SLF1: variants seen among roughly 807,000 people sequenced by gnomAD.
SLF1 encodes SMC5-SMC6 complex localization factor protein 1.
In SLF1, 105 loss-of-function variants were observed where a neutral mutation model predicts 123.0. The ratio of observed to expected loss-of-function variants is 0.85; its 90% confidence interval spans 0.73 to 1.00. The LOEUF is 1.00. Ranked by LOEUF, SLF1 falls within the 50% of genes least tolerant of loss-of-function variation. The pLI is 0.00. For synonymous variants in SLF1, 434 were observed against 406.6 expected, an observed-to-expected ratio of 1.07 and a Z score of -0.81; for missense variants, 1,239 against 1,223.0, an observed-to-expected ratio of 1.01 and a Z score of -0.20.
In SLF1 at chr5:94,678,563, T is replaced by C. The variant is rs78532781; in HGVS notation, c.1828-245T>C. On this transcript the variant is annotated intron_variant, in intron 14 of 20. Transcript: ENST00000265140. ...TGGTATTGGATAAAATTAAAGTTTATTCTAAACTGTTAAGTTGTAGGTCCT... is the reference window on the plus strand; with the variant it reads ...TGGTATTGGATAAAATTAAAGTTTACTCTAAACTGTTAAGTTGTAGGTCCT... 347 of 282,430 alleles carry C rather than the reference T, an allele frequency of 1.2e-3. 3 individuals carry two copies. Among genetic ancestry groups the C allele is most frequent in the African/African-American group, 7.3e-3 (333 of 45,788 alleles). 17.5% of individuals were successfully genotyped at this position (282,430 alleles called of 1,614,324 possible). A position where few individuals can be genotyped will look rare whatever the true frequency, so the allele number is the denominator to read the frequency against.
At chr5:94,665,313 T>C (rs1749615034) in intron 11 of SLF1, among the ~76,000 whole-genome samples, 1 of 152,188 alleles carries the variant, frequency 6.6e-6, no homozygotes, top group South Asian at 2.1e-4. Flanking sequence ...CATGTGTAAG[T>C]GGACCCATGC....
Position 94,688,408 on chromosome 5 carries a change from G to T in SLF1, c.2122-98G>T, listed in dbSNP as rs1406438221. 3.1e-6 allele frequency: 4 copies of T among 1,300,824 alleles called. No individual in the cohort carries two copies. The African/African-American group carries it at 4.5e-5, about 15-fold the overall frequency. 80.6% of individuals were successfully genotyped at this position (1,300,824 alleles called of 1,614,324 possible). A position where few individuals can be genotyped will look rare whatever the true frequency, so the allele number is the denominator to read the frequency against. ...GTGGCAACCATAGTGATGCAACCAAGAAAATATAACCAAATGTAATAGTGA... is the reference window on the plus strand; with the variant it reads ...GTGGCAACCATAGTGATGCAACCAATAAAATATAACCAAATGTAATAGTGA... On this transcript the variant is annotated intron_variant, in intron 16 of 20. Coordinates refer to ENST00000265140, the MANE Select transcript of SLF1 (RefSeq NM_032290.4).
At chr5:94,626,390 A>C (rs1490565425) in intron 1 of SLF1, among the ~76,000 whole-genome samples, 1 of 152,112 alleles carries the variant, frequency 6.6e-6, no homozygotes, top group African/African-American at 2.4e-5. Flanking sequence ...TATTATGTGC[A>C]CTTAAAAATT....
intron 15 of SLF1, among the ~76,000 whole-genome samples, chr5:94,685,706 G>T (rs1752335198): frequency 6.6e-6 from 1 of 151,766 alleles, no homozygotes; most frequent in Non-Finnish European, 1.5e-5. Context: ...CATCTGGCAC[G>T]CACCTGTAGT....
chr5:94,671,134 G>C, intron 14 of SLF1, 126 bp downstream of exon 14: 1 of 717,154 alleles, frequency 1.4e-6, no homozygotes, highest in East Asian at 2.9e-5. Flanking sequence ...ATATATCATT[G>C]TTTTCTATTT....
At chr5:94,633,583 A>G (rs1745439328) in intron 4 of SLF1, among the ~76,000 whole-genome samples, 1 of 152,226 alleles carries the variant, frequency 6.6e-6, no homozygotes, top group South Asian at 2.1e-4. Flanking sequence ...ATAAGCCAGA[A>G]AAGAAATGAA....
chr5:94,641,854 G>C (rs1561433228), intron 4 of SLF1, among the ~76,000 whole-genome samples: 1 of 152,228 alleles, frequency 6.6e-6, no homozygotes, highest in Non-Finnish European at 1.5e-5. Flanking sequence ...CCTTGTACAT[G>C]TAGGCAGTGG....
chr5:94,696,219 T>C lies in SLF1; in HGVS notation c.*907T>C, dbSNP rs544415086. 3 of 151,960 alleles carry C rather than the reference T, an allele frequency of 2.0e-5. No individual in the cohort carries two copies. Among genetic ancestry groups the C allele is most frequent in the Non-Finnish European group, 4.4e-5 (3 of 67,806 alleles). The allele number at this position is 151,960 out of a possible 1,614,324, so 9.4% of individuals were successfully genotyped here. A position where few individuals can be genotyped will look rare whatever the true frequency, so the allele number is the denominator to read the frequency against. ...ACTTTTGAGATTGGAGTTTCTTCAC[T>C]ACTGGGAGTAAGTTACATTATGATA... On this transcript the variant is annotated 3_prime_UTR_variant, in exon 21 of 21. Coordinates refer to ENST00000265140, the MANE Select transcript of SLF1 (RefSeq NM_032290.4).
Position 94,670,799 on chromosome 5 carries a change from T to A in SLF1, c.1662-44T>A, listed in dbSNP as rs1269513676. On this transcript the variant is annotated intron_variant, in intron 13 of 20. Transcript: ENST00000265140. ...GAGAGATGTCAAGTAATTGTCATGA[T>A]CAAATTGGCTTAAAGATATACTTTT... 5 of 1,423,952 alleles carry A rather than the reference T, an allele frequency of 3.5e-6. No individual in the cohort carries two copies. In the East Asian group the frequency reaches 7.5e-5, roughly 21 times the overall value. 88.2% of individuals were successfully genotyped at this position (1,423,952 alleles called of 1,614,324 possible).
rs1245908728 is a variant in SLF1, at chr5:94,692,001, G to GTA, written c.2513-72_2513-71dup. ...CTAGAAAGTCACACTGATGAGAAAA[G>GTA]TAGAACATCAGTACTTTTCTACCAA... On this transcript the variant is annotated intron_variant, in intron 19 of 20. Coordinates refer to ENST00000265140, the MANE Select transcript of SLF1 (RefSeq NM_032290.4). The GTA allele has an allele frequency of 2.8e-6, 4 of 1,451,752 alleles. No individual in the cohort carries two copies. The African/African-American group carries it at 5.6e-5, about 20-fold the overall frequency. 89.9% of individuals were successfully genotyped at this position (1,451,752 alleles called of 1,614,324 possible).
At chr5:94,679,823 G>T (rs1280251114) in intron 15 of SLF1, among the ~76,000 whole-genome samples, 1 of 152,090 alleles carries the variant, frequency 6.6e-6, no homozygotes, top group East Asian at 1.9e-4. Flanking sequence ...AAGGTGAAAA[G>T]TTCTACCCAA....
At chr5:94,637,123 T>A (rs1416710940) in intron 4 of SLF1, among the ~76,000 whole-genome samples, 1 of 152,186 alleles carries the variant, frequency 6.6e-6, no homozygotes, top group Non-Finnish European at 1.5e-5. Flanking sequence ...TCTTTGGAGG[T>A]GCCCTGATTC....
At chr5:94,688,419 C>T in intron 16 of SLF1, 87 bp from the exon 17 acceptor site, 1 of 1,362,184 alleles carries the variant, frequency 7.3e-7, no homozygotes, top group South Asian at 1.4e-5. Context: ...AAAATATAAC[C>T]AAATGTAATA....
At chr5:94,670,356 A>G (rs1750300603) in intron 13 of SLF1, 77 bp downstream of exon 13, 1 of 1,097,406 alleles carries the variant, frequency 9.1e-7, no homozygotes, top group African/African-American at 1.7e-5. Flanking sequence ...TACAATTATT[A>G]TAAATATATT....
intron 14 of SLF1, among the ~76,000 whole-genome samples, chr5:94,676,151 A>G (rs914043843): frequency 6.6e-5 from 10 of 152,124 alleles, no homozygotes; most frequent in Admixed American, 5.2e-4. Context: ...GATACATATT[A>G]TGTTGGAAGG....
At chr5:94,621,527 C>G (rs1355292778) in intron 1 of SLF1, among the ~76,000 whole-genome samples, 1 of 152,114 alleles carries the variant, frequency 6.6e-6, no homozygotes, top group Non-Finnish European at 1.5e-5. Context: ...TCCTAGGATA[C>G]CAAAGCACAT....
At chr5:94,637,391 T>C (rs946975706) in intron 4 of SLF1, among the ~76,000 whole-genome samples, 1 of 152,028 alleles carries the variant, frequency 6.6e-6, no homozygotes, top group African/African-American at 2.4e-5. Flanking sequence ...ATAAAACCAC[T>C]GGCTGAGCTC....
At chr5:94,626,620 A>G (rs1792272561) in intron 1 of SLF1, among the ~76,000 whole-genome samples, 1 of 152,190 alleles carries the variant, frequency 6.6e-6, no homozygotes. Flanking sequence ...CATTGTTTTG[A>G]AGGAGATGAT....
intron 10 of SLF1, among the ~76,000 whole-genome samples, chr5:94,663,348 A>G (rs1323170038): frequency 6.6e-6 from 1 of 152,260 alleles, no homozygotes; most frequent in East Asian, 1.9e-4. Context: ...TGAGGAAATT[A>G]AAATTTGTTA....
Sources: allele counts gnomAD v4.1 joint callset (sites outside exome capture counted in the v4.1 genomes callset), GRCh38; gene constraint gnomAD v4.1.1; transcripts MANE v1.5; gene names NCBI Gene and HGNC (gene_info 2026-07-23, HGNC 2026-07-21).